The following AGBL1 variants were observed in gnomAD, a reference collection of about 807,000 sequenced individuals.
The protein encoded by AGBL1 is AGBL carboxypeptidase 1, also known as cytosolic carboxypeptidase 4.
A neutral mutation model predicts 118.9 loss-of-function variants in AGBL1; 130 were observed. That is an observed-to-expected ratio of 1.09 (90% CI 0.95 to 1.26). The LOEUF (loss-of-function observed/expected upper bound fraction) is 1.26. Ranked by LOEUF, AGBL1 falls within the 50% of genes most tolerant of loss-of-function variation. The probability of loss-of-function intolerance (pLI) is 0.00; values close to 1 mark genes in which losing one functional copy is unlikely to be tolerated. For missense variants in AGBL1, 1,584 were observed against 1,298.1 expected (o/e 1.22, Z -3.38); for synonymous variants, 555 against 478.9 (o/e 1.16, Z -2.08).
chr15:86,896,941 A>G (rs778326663), intron 22 of AGBL1, among the ~76,000 whole-genome samples: 2 of 152,102 alleles, frequency 1.3e-5, no homozygotes, highest in Admixed American at 1.3e-4. Flanking sequence ...GTCTCCCTCT[A>G]CCCACTACAT....
intron 1 of AGBL1, among the ~76,000 whole-genome samples, chr15:86,120,933 G>C (rs1012968045): frequency 1.0e-4 from 15 of 149,648 alleles, no homozygotes; most frequent in African/African-American, 3.7e-4. Flanking sequence ...GTCCCGCTCT[G>C]TTGCCTAGGC....
intron 18 of AGBL1, among the ~76,000 whole-genome samples, chr15:86,449,051 C>T (rs568841347): frequency 3.9e-5 from 6 of 152,088 alleles, no homozygotes; most frequent in African/African-American, 1.4e-4. Context: ...GCTGGAAGAA[C>T]AGATACAAAG....
rs552964253 is a variant in AGBL1 at position 86,672,686 on chromosome 15, A to G, written c.2995-1587A>G. ...GGAAAGAATCAGACCTCGGAGCTTT[A>G]GAAAAGAGACTCAGATTTCTCTTTC... On this transcript the variant is annotated intron_variant, in intron 21 of 22. Coordinates refer to ENST00000614907, the MANE Select transcript of AGBL1 (RefSeq NM_001386094.1). 3.2e-4 allele frequency among the ~76,000 whole-genome samples: 48 copies of G among 152,324 alleles called. No individual in the cohort carries two copies. The South Asian group carries it at 3.7e-3, about 12-fold the overall frequency.
chr15:86,616,214 G>A (rs2084719234), intron 21 of AGBL1, among the ~76,000 whole-genome samples: 1 of 151,906 alleles, frequency 6.6e-6, no homozygotes, highest in South Asian at 2.1e-4. Context: ...GCAGGCACCT[G>A]TAATCTCAGC....
chr15:86,844,857 A>G (rs968755103), intron 22 of AGBL1, among the ~76,000 whole-genome samples: 2 of 152,088 alleles, frequency 1.3e-5, no homozygotes, highest in African/African-American at 4.8e-5. Flanking sequence ...TCTATGAGTC[A>G]ATTTATATGT....
At chr15:86,876,053 T>C (rs1019100077) in intron 22 of AGBL1, among the ~76,000 whole-genome samples, 1 of 152,188 alleles carries the variant, frequency 6.6e-6, no homozygotes, top group African/African-American at 2.4e-5. Context: ...GGGGTCCTTT[T>C]GTCACTAAGA....
rs1457704271 is a variant in AGBL1, at chr15:86,667,250, GTATGTATC to G, written c.2995-7019_2995-7012del. ...TGTATGTATGTATGTATGTATGTATGTATGTATCTATCTATCTATCTGTCTATCTTTGC... is the reference window on the plus strand; with the variant it reads ...TGTATGTATGTATGTATGTATGTATGTATCTATCTATCTGTCTATCTTTGC... On this transcript the variant is annotated intron_variant, in intron 21 of 22. Transcript: ENST00000614907. 6.2e-3 allele frequency among the ~76,000 whole-genome samples: 856 copies of G among 138,188 alleles called. 6 individuals carry two copies. Among genetic ancestry groups the G allele is most frequent in the East Asian group, 0.02 (98 of 4,830 alleles). 90.7% of individuals were successfully genotyped at this position (138,188 alleles called of 152,430 possible).
At chr15:86,487,617 C>T (rs2082729741) in intron 18 of AGBL1, among the ~76,000 whole-genome samples, 2 of 151,548 alleles carry the variant, frequency 1.3e-5, no homozygotes, top group Admixed American at 1.3e-4. Context: ...AGAATGAAAG[C>T]TCATTTGGCA....
intron 22 of AGBL1, among the ~76,000 whole-genome samples, chr15:86,697,503 AT>A (rs55678017): frequency 0.9 from 130,429 of 144,642 alleles, 58,840 homozygotes; most frequent in Admixed American, 0.93. Flanking sequence ...ATCTTGTATC[AT>A]TTTTTTTTTT....
intron 19 of AGBL1, among the ~76,000 whole-genome samples, chr15:86,531,948 A>T (rs1296859116): frequency 6.6e-6 from 1 of 151,544 alleles, no homozygotes; most frequent in East Asian, 2.0e-4. Context: ...TTATGTATTG[A>T]TGGGACGTAT....
intron 22 of AGBL1, among the ~76,000 whole-genome samples, chr15:86,855,346 G>C (rs558220193): frequency 1.3e-5 from 2 of 152,202 alleles, no homozygotes; most frequent in Non-Finnish European, 2.9e-5. Flanking sequence ...GAGAGCCAGA[G>C]CACCATATGT....
chr15:87,025,633 C>G (rs997756336), intron 24 of AGBL1, among the ~76,000 whole-genome samples: 7 of 151,768 alleles, frequency 4.6e-5, no homozygotes, highest in Non-Finnish European at 1.5e-5. Context: ...ATTCTTCACA[C>G]AATTAGAAAA....
In AGBL1 at chr15:86,636,702, CATATATATATATAT is replaced by C. The variant is rs1157674222; in HGVS notation, c.2995-37527_2995-37514del. 4.7e-3 allele frequency among the ~76,000 whole-genome samples: 125 copies of C among 26,736 alleles called. 3 individuals carry two copies. Among genetic ancestry groups the C allele is most frequent in the Middle Eastern group, 0.021 (1 of 48 alleles). The allele number at this position is 26,736 out of a possible 152,430, so 17.5% of individuals were successfully genotyped here. On this transcript the variant is annotated intron_variant, in intron 21 of 22. Coordinates refer to ENST00000614907, the MANE Select transcript of AGBL1 (RefSeq NM_001386094.1). The stretch of plus-strand genomic sequence containing the variant: ...TACAGCTTTGCATGGAACCACCAGT[CATATATATATATAT>C]ATATATATATATATATATATATATA...
At chr15:86,468,047 A>G (rs1362678163) in intron 18 of AGBL1, among the ~76,000 whole-genome samples, 1 of 152,074 alleles carries the variant, frequency 6.6e-6, no homozygotes, top group East Asian at 1.9e-4. Flanking sequence ...TCCTTGGGGC[A>G]GGAATATGAC....
intron 5 of AGBL1, among the ~76,000 whole-genome samples, chr15:86,178,634 C>T (rs1199688113): frequency 1.3e-5 from 2 of 152,146 alleles, no homozygotes; most frequent in Non-Finnish European, 2.9e-5. Context: ...GATAAGTTCC[C>T]TGGCGAATTC....
intron 5 of AGBL1, among the ~76,000 whole-genome samples, chr15:86,215,221 A>ATGTATGTGTG (rs766862249): frequency 8.0e-6 from 1 of 124,704 alleles, no homozygotes; most frequent in South Asian, 2.4e-4. Context: ...GTGTATATGT[A>ATGTATGTGTG]TGCGTGTGTG....
At chr15:86,334,100 T>C (rs1272272307) in intron 17 of AGBL1, among the ~76,000 whole-genome samples, 7 of 152,186 alleles carry the variant, frequency 4.6e-5, no homozygotes, top group African/African-American at 1.4e-4. Flanking sequence ...ACTTAAAGCA[T>C]TCTTTCTGAG....
chr15:86,093,751 ATGCT>A (rs1402271098), intron 1 of AGBL1, among the ~76,000 whole-genome samples: 1 of 152,184 alleles, frequency 6.6e-6, no homozygotes, highest in Admixed American at 6.5e-5. Flanking sequence ...ATAATTGAAC[ATGCT>A]GAAGGGCAGG....
chr15:86,881,220 C>G (rs956060176), intron 22 of AGBL1, among the ~76,000 whole-genome samples: 1 of 152,138 alleles, frequency 6.6e-6, no homozygotes, highest in African/African-American at 2.4e-5. Context: ...AGCATGGACC[C>G]AATTCTGGCA....
Sources: gnomAD v4.1 joint callset for allele counts (sites outside exome capture counted in the v4.1 genomes callset) on GRCh38, gnomAD v4.1.1 for gene constraint, MANE v1.5 for transcripts, NCBI Gene and HGNC (gene_info 2026-07-23, HGNC 2026-07-21) for gene names.